TAS2R31: variants seen among roughly 807,000 people sequenced by gnomAD.
TAS2R31 encodes taste receptor type 2 member 31.
For missense variants in TAS2R31, 352 were observed against 347.4 expected, an observed-to-expected ratio of 1.01 and a Z score of -0.10; for synonymous variants, 118 against 131.4, an observed-to-expected ratio of 0.90 and a Z score of 0.70.
rs750909945 is a variant in TAS2R31 at position 11,030,533 on chromosome 12, C to A, written c.803G>T (p.Arg268Ile). The A allele has an allele frequency of 1.9e-6, 3 of 1,614,084 alleles. No individual in the cohort carries two copies. The highest frequency in any genetic ancestry group is 1.7e-6 in the Non-Finnish European group (2 of 1,180,014). Reference sequence around the variant, plus strand: ...TGGGTGGATTGAAGGATAGCTGAATCTAATAGCTTTGCAGAACATGAAGAC... The same window carrying A: ...TGGGTGGATTGAAGGATAGCTGAATATAATAGCTTTGCAGAACATGAAGAC... ...KPVFMFCKAI[R>I]FSYPSIHPFI... The change falls in exon 1 of 1, where the codon AGA (arginine) becomes ATA (isoleucine). Residue 268 changes from arginine (R) to isoleucine (I), a missense_variant. Transcript: ENST00000390675.
Position 11,030,521 on chromosome 12 carries a change from G to T in TAS2R31, c.815C>A (p.Pro272His). ...MFCKAIRFSY[P>H]SIHPFILIWG... ...AATCAGGATGAATGGGTGGATTGAA[G>T]GATAGCTGAATCTAATAGCTTTGCA... Residue 272 changes from proline to histidine, a missense_variant, in exon 1 of 1, where the codon CCT becomes CAT. Coordinates refer to ENST00000390675, the MANE Select transcript of TAS2R31 (RefSeq NM_176885.2). The T allele has an allele frequency of 6.2e-7, 1 of 1,614,110 alleles. No individual in the cohort carries two copies. Among genetic ancestry groups the T allele is most frequent in the East Asian group, 2.2e-5 (1 of 44,904 alleles).
Position 11,030,442 on chromosome 12 carries a change from C to G in TAS2R31, c.894G>C (p.Arg298Ser). Residue 298 changes from arginine (R) to serine (S), a missense_variant, in exon 1 of 1, where the codon AGG becomes AGC. Coordinates refer to ENST00000390675, the MANE Select transcript of TAS2R31 (RefSeq NM_176885.2). ...QTFLSVLRQVRYWVKGEKPSS... is the reference protein window; with the variant it reads ...QTFLSVLRQVSYWVKGEKPSS... ...AAGGCTTCTCTCCTTTCACCCAGTA[C>G]CTCACTTGCCGCAAAACTGAAAGAA... The G allele has an allele frequency of 6.8e-6, 11 of 1,614,248 alleles. No individual in the cohort carries two copies. The highest frequency in any genetic ancestry group is 8.5e-6 in the Non-Finnish European group (10 of 1,180,020).
rs1204487243 is a variant in TAS2R31, at chr12:11,030,914, G to T, written c.422C>A (p.Ala141Asp). ...CATGTTTATCACAAAAAGTTGACAA[G>T]CCAAAAATAGTAAAGGCCCCAACAG... ...VMLLGPLLFLACQLFVINMKE... is the reference protein window; with the variant it reads ...VMLLGPLLFLDCQLFVINMKE... The change falls in exon 1 of 1, where the codon GCT (alanine) becomes GAT (aspartate). Residue 141 changes from alanine (A) to aspartate (D), a missense_variant. By Grantham distance (126) the Ala-to-Asp change is moderately radical. Transcript: ENST00000390675. The T allele has an allele frequency of 6.2e-7, 1 of 1,614,070 alleles. No individual in the cohort carries two copies. The highest frequency in any genetic ancestry group is 8.5e-7 in the Non-Finnish European group (1 of 1,180,046).
chr12:11,031,293 C>T lies in TAS2R31; in HGVS notation c.43G>A (p.Val15Ile). The T allele has an allele frequency of 6.2e-7, 1 of 1,613,754 alleles. No individual in the cohort carries two copies. Among genetic ancestry groups the T allele is most frequent in the African/African-American group, 1.3e-5 (1 of 75,004 alleles). Residue 15 changes from valine (V) to isoleucine (I), a missense_variant, in exon 1 of 1, where the codon GTT becomes ATT. Transcript: ENST00000390675. ...IPIIFSSVVV[V>I]LFVIGNFANG... ...GCAAAATTTCCAATAACAAATAGAA[C>T]CACTACCACACTGGAAAAAATGATG...
At position 11,030,658 on chromosome 12, in the gene TAS2R31, T is replaced by C. The variant is rs1277180697; in HGVS notation, c.678A>G (p.Lys226=). 3.1e-6 allele frequency: 5 copies of C among 1,614,190 alleles called. No homozygotes were observed. In the East Asian group the frequency reaches 1.1e-4, roughly 36 times the overall value. ...SQDPSTKVHI[K]ALQTVIFFLL... ...GGAAAAAGATCACAGTTTGCAAAGC[T>C]TTTATGTGGACCTTGGTGCTGGGAT... is the stretch of plus-strand genomic sequence containing the variant. Residue 226 remains lysine (K), a synonymous_variant, in exon 1 of 1, where the codon AAA becomes AAG. Coordinates refer to ENST00000390675, the MANE Select transcript of TAS2R31 (RefSeq NM_176885.2).
chr12:11,030,946 C>T lies in TAS2R31; in HGVS notation c.390G>A (p.Leu130=), dbSNP rs1942174458. ...HLKRRVKSVI[L]VMLLGPLLFL... ...ATAGTAAAGGCCCCAACAGCATCAC[C>T]AGAATGACACTCTTAACTCTCCTCT... Residue 130 remains leucine, a synonymous_variant, in exon 1 of 1, where the codon CTG becomes CTA. Transcript: ENST00000390675. 1 of 1,614,266 alleles carries T rather than the reference C, an allele frequency of 6.2e-7. No homozygotes were observed. Among genetic ancestry groups the T allele is most frequent in the Non-Finnish European group, 8.5e-7 (1 of 1,180,050 alleles).
rs374745478 is a variant in TAS2R31, at chr12:11,031,155, C to T, written c.181G>A (p.Val61Ile). 1 of 1,614,204 alleles carries T rather than the reference C, an allele frequency of 6.2e-7. No individual in the cohort carries two copies. The highest frequency in any genetic ancestry group is 8.5e-7 in the Non-Finnish European group (1 of 1,180,036). The stretch of plus-strand genomic sequence containing the variant: ...GTTGAATACCAATTTAATAATAATA[C>T]CCAGAGCAAACCAACTCTGGAGACC... ...LAVSRVGLLW[V>I]LLLNWYSTVF... The change falls in exon 1 of 1, where the codon GTA becomes ATA. Residue 61 changes from valine (V) to isoleucine (I), a missense_variant. By Grantham distance (29) the Val-to-Ile change is conservative. Coordinates refer to ENST00000390675, the MANE Select transcript of TAS2R31 (RefSeq NM_176885.2).
At position 11,031,380 on chromosome 12, in the gene TAS2R31, C is replaced by A. The variant is rs756754676; in HGVS notation, c.-45G>T. 2 of 1,588,620 alleles carry A rather than the reference C, an allele frequency of 1.3e-6. No individual in the cohort carries two copies. The highest frequency in any genetic ancestry group is 2.3e-5 in the South Asian group (2 of 85,816). Reference sequence around the variant, plus strand: ...AATTGTTTTAATGCTGGTGTTGTGTCCGGAGTTGGTTCCTGCAGGTGGGTT... The same window carrying A: ...AATTGTTTTAATGCTGGTGTTGTGTACGGAGTTGGTTCCTGCAGGTGGGTT... On this transcript the variant is annotated 5_prime_UTR_variant, in exon 1 of 1. Transcript: ENST00000390675.
In TAS2R31 at chr12:11,031,222, T is replaced by C; in HGVS notation, c.114A>G (p.Arg38=). Residue 38 remains arginine (R), a synonymous_variant, in exon 1 of 1, where the codon AGA becomes AGG. Coordinates refer to ENST00000390675, the MANE Select transcript of TAS2R31 (RefSeq NM_176885.2). ...TCTGGTCAGCAAAAGAGATCTTTTG[T>C]CTCTTGACCCGCTCAATGGAATTTA... ...ALVNSIERVK[R]QKISFADQIL... The C allele has an allele frequency of 6.2e-7, 1 of 1,614,092 alleles. No individual in the cohort carries two copies. The highest frequency in any genetic ancestry group is 8.5e-7 in the Non-Finnish European group (1 of 1,179,986).
rs1942201829 is a variant in TAS2R31, at chr12:11,031,293, C to A, written c.43G>T (p.Val15Phe). Residue 15 changes from valine (V) to phenylalanine (F), a missense_variant, in exon 1 of 1, where the codon GTT becomes TTT. By Grantham distance (50) the Val-to-Phe change is conservative. Transcript: ENST00000390675. Reference sequence around the variant, plus strand: ...GCAAAATTTCCAATAACAAATAGAACCACTACCACACTGGAAAAAATGATG... The same window carrying A: ...GCAAAATTTCCAATAACAAATAGAAACACTACCACACTGGAAAAAATGATG... ...IPIIFSSVVV[V>F]LFVIGNFANG... 6.2e-7 allele frequency: 1 copy of A among 1,613,636 alleles called. No individual in the cohort carries two copies. Among genetic ancestry groups the A allele is most frequent in the African/African-American group, 1.3e-5 (1 of 74,882 alleles).
Position 11,030,631 on chromosome 12 carries a change from G to A in TAS2R31, c.705C>T (p.Leu235=). ...ACAGAAAGTAAACGGCACATAACAA[G>A]AGGAAAAAGATCACAGTTTGCAAAG... is the stretch of plus-strand genomic sequence containing the variant. ...IKALQTVIFF[L]LLCAVYFLSI... is the part of the protein sequence containing the mutation. The change falls in exon 1 of 1, where the codon CTC becomes CTT. Residue 235 remains leucine, a synonymous_variant. Transcript: ENST00000390675. 1 of 1,614,188 alleles carries A rather than the reference G, an allele frequency of 6.2e-7. No individual in the cohort carries two copies. The highest frequency in any genetic ancestry group is 1.6e-4 in the Middle Eastern group (1 of 6,062).
rs199894662 is a variant in TAS2R31 at position 11,030,453 on chromosome 12, G to T, written c.883C>A (p.Arg295=). The T allele has an allele frequency of 3.2e-6, 5 of 1,568,232 alleles. No homozygotes were observed. The highest frequency in any genetic ancestry group is 1.7e-5 in the Admixed American group (1 of 58,158). ...CCTTTCACCCAGTACCTCACTTGCC[G>T]CAAAACTGAAAGAAAAGTCTGCTTT... ...KLKQTFLSVL[R]QVRYWVKGEK... Residue 295 remains arginine, a synonymous_variant, in exon 1 of 1, where the codon CGG becomes AGG. Transcript: ENST00000390675.
rs767248304 is a variant in TAS2R31, at chr12:11,030,681, G to A, written c.655C>T (p.Pro219Ser). 6.2e-7 allele frequency: 1 copy of A among 1,614,064 alleles called. No homozygotes were observed. Among genetic ancestry groups the A allele is most frequent in the Admixed American group, 1.7e-5 (1 of 60,000 alleles). Residue 219 changes from proline to serine, a missense_variant, in exon 1 of 1, where the codon CCC (proline) becomes TCC (serine). Coordinates refer to ENST00000390675, the MANE Select transcript of TAS2R31 (RefSeq NM_176885.2). Reference sequence around the variant, plus strand: ...GCTTTTATGTGGACCTTGGTGCTGGGATCTTGAGATCCTTTACCATGGAGC... The same window carrying A: ...GCTTTTATGTGGACCTTGGTGCTGGAATCTTGAGATCCTTTACCATGGAGC... The part of the protein sequence containing the change: ...MQLHGKGSQD[P>S]STKVHIKALQ...
In TAS2R31 at chr12:11,030,528, T is replaced by G; in HGVS notation, c.808A>C (p.Ser270Arg). The G allele has an allele frequency of 6.2e-7, 1 of 1,614,238 alleles. No individual in the cohort carries two copies. Among genetic ancestry groups the G allele is most frequent in the Non-Finnish European group, 8.5e-7 (1 of 1,180,018 alleles). Residue 270 changes from serine (S) to arginine (R), a missense_variant, in exon 1 of 1, where the codon AGC becomes CGC. By Grantham distance (110) the Ser-to-Arg change is moderately radical. Coordinates refer to ENST00000390675, the MANE Select transcript of TAS2R31 (RefSeq NM_176885.2). ...ATGAATGGGTGGATTGAAGGATAGCTGAATCTAATAGCTTTGCAGAACATG... is the reference window on the plus strand; with the variant it reads ...ATGAATGGGTGGATTGAAGGATAGCGGAATCTAATAGCTTTGCAGAACATG... The part of the protein sequence containing the change: ...VFMFCKAIRF[S>R]YPSIHPFILI...
rs760783941 is a variant in TAS2R31, at chr12:11,030,874, C to G, written c.462G>C (p.Arg154=). 1.9e-6 allele frequency: 3 copies of G among 1,614,164 alleles called. No homozygotes were observed. The highest frequency in any genetic ancestry group is 2.5e-6 in the Non-Finnish European group (3 of 1,180,002). Residue 154 remains arginine (R), a synonymous_variant, in exon 1 of 1, where the codon CGG becomes CGC. Coordinates refer to ENST00000390675, the MANE Select transcript of TAS2R31 (RefSeq NM_176885.2). ...TCAAGTTTCCTTCATATTCTTTTGT[C>G]CGTACAATCTCTTTCATGTTTATCA... ...LFVINMKEIV[R]TKEYEGNLTW... is the part of the protein sequence containing the mutation.
chr12:11,031,260 A>C lies in TAS2R31; in HGVS notation c.76T>G (p.Phe26Val). 1 of 1,614,106 alleles carries C rather than the reference A, an allele frequency of 6.2e-7. No individual in the cohort carries two copies. Among genetic ancestry groups the C allele is most frequent in the Non-Finnish European group, 8.5e-7 (1 of 1,179,928 alleles). Residue 26 changes from phenylalanine to valine, a missense_variant, in exon 1 of 1, where the codon TTC becomes GTC. Coordinates refer to ENST00000390675, the MANE Select transcript of TAS2R31 (RefSeq NM_176885.2). Reference protein sequence around the residue: ...LFVIGNFANGFIALVNSIERV... With the variant: ...LFVIGNFANGVIALVNSIERV... ...TCAATGGAATTTACCAATGCTATGA[A>C]GCCATTAGCAAAATTTCCAATAACA... is the stretch of plus-strand genomic sequence containing the variant.
In TAS2R31 at chr12:11,030,650, T is replaced by A. The variant is rs1942150695; in HGVS notation, c.686A>T (p.Gln229Leu). ...PSTKVHIKAL[Q>L]TVIFFLLLCA... ...TAACAAGAGGAAAAAGATCACAGTTTGCAAAGCTTTTATGTGGACCTTGGT... is the reference window on the plus strand; with the variant it reads ...TAACAAGAGGAAAAAGATCACAGTTAGCAAAGCTTTTATGTGGACCTTGGT... The change falls in exon 1 of 1, where the codon CAA becomes CTA. Residue 229 changes from glutamine to leucine, a missense_variant. By Grantham distance (113) the Gln-to-Leu change is moderately radical. Transcript: ENST00000390675. The A allele has an allele frequency of 1.9e-6, 3 of 1,614,106 alleles. No homozygotes were observed. The highest frequency in any genetic ancestry group is 1.7e-6 in the Non-Finnish European group (2 of 1,180,040).
Position 11,031,251 on chromosome 12 carries a change from A to G in TAS2R31, c.85T>C (p.Leu29=), listed in dbSNP as rs746240623. Residue 29 remains leucine (L), a synonymous_variant, in exon 1 of 1, where the codon TTG becomes CTG. Coordinates refer to ENST00000390675, the MANE Select transcript of TAS2R31 (RefSeq NM_176885.2). ...IGNFANGFIA[L]VNSIERVKRQ... ...TTGACCCGCTCAATGGAATTTACCA[A>G]TGCTATGAAGCCATTAGCAAAATTT... 1.9e-5 allele frequency: 31 copies of G among 1,614,006 alleles called. No individual in the cohort carries two copies. The highest frequency in any genetic ancestry group is 2.2e-5 in the East Asian group (1 of 44,896).
Position 11,030,965 on chromosome 12 carries a change from C to T in TAS2R31, c.371G>A (p.Arg124Lys). The T allele has an allele frequency of 1.9e-6, 3 of 1,614,286 alleles. No individual in the cohort carries two copies. Among genetic ancestry groups the T allele is most frequent in the Non-Finnish European group, 2.5e-6 (3 of 1,180,056 alleles). ...SNLIFLHLKRRVKSVILVMLL... is the reference protein window; with the variant it reads ...SNLIFLHLKRKVKSVILVMLL... ...CATCACCAGAATGACACTCTTAACT[C>T]TCCTCTTTAAGTGAAGAAAAATAAG... The change falls in exon 1 of 1, where the codon AGA (arginine) becomes AAA (lysine). Residue 124 changes from arginine (R) to lysine (K), a missense_variant. By Grantham distance (26) the Arg-to-Lys change is conservative. Transcript: ENST00000390675.
Sources: allele counts gnomAD v4.1 joint callset, GRCh38; gene constraint gnomAD v4.1.1; transcripts MANE v1.5; gene names NCBI Gene and HGNC (gene_info 2026-07-23, HGNC 2026-07-21).